The following FAF1 variants were observed in gnomAD, a reference collection of about 807,000 sequenced individuals.
FAF1 encodes Fas associated factor 1.
Under a neutral mutation model 92.5 loss-of-function variants are expected in FAF1, and 25 were observed. That is an observed-to-expected ratio of 0.27 (90% CI 0.20 to 0.38). FAF1 has a LOEUF of 0.38. FAF1 is among the 10% of genes least tolerant of loss of function. The probability of loss-of-function intolerance (pLI) is 1.00; values close to 1 mark genes in which losing one functional copy is unlikely to be tolerated. For missense variants in FAF1, 636 were observed against 793.3 expected (o/e 0.80, Z 2.38); for synonymous variants, 234 against 273.2 (o/e 0.86, Z 1.42).
intron 13 of FAF1, among the ~76,000 whole-genome samples, chr1:50,540,803 GTC>G (rs1557987321): frequency 6.6e-6 from 1 of 152,112 alleles, no homozygotes; most frequent in African/African-American, 2.4e-5. Flanking sequence ...ATTTAATAAA[GTC>G]TGTAAAAATA....
chr1:50,661,351 AT>A lies in FAF1; in HGVS notation c.658-5824del, dbSNP rs975516401. ...TTATTAATTTATCTCAACATTTAAA[AT>A]TTTTTGAAATCTGGCCCACGATTCT... On this transcript the variant is annotated intron_variant, in intron 7 of 18. Transcript: ENST00000396153. Among the ~76,000 whole-genome samples the A allele has an allele frequency of 2.2e-3, 341 of 152,268 alleles. 2 individuals carry two copies. Among genetic ancestry groups the A allele is most frequent in the African/African-American group, 7.6e-3 (316 of 41,552 alleles).
At chr1:50,794,593 T>C (rs1447304504) in intron 3 of FAF1, among the ~76,000 whole-genome samples, 1 of 152,198 alleles carries the variant, frequency 6.6e-6, no homozygotes, top group Non-Finnish European at 1.5e-5. Flanking sequence ...ACAGATCCTT[T>C]AGAATGCACA....
intron 1 of FAF1, among the ~76,000 whole-genome samples, chr1:50,877,598 T>C (rs1193501709): frequency 6.6e-6 from 1 of 152,080 alleles, no homozygotes; most frequent in Non-Finnish European, 1.5e-5. Context: ...ATATGTGATG[T>C]TTATAATAAA....
At chr1:50,451,813 T>C (rs1042886111) in intron 18 of FAF1, 2 of 991,280 alleles carry the variant, frequency 2.0e-6, no homozygotes, top group Non-Finnish European at 2.4e-6. Context: ...TCAGCATTCA[T>C]GGCAAATCTG....
At chr1:50,729,066 T>TTTTG (rs1658807710) in intron 6 of FAF1, among the ~76,000 whole-genome samples, 1 of 139,228 alleles carries the variant, frequency 7.2e-6, no homozygotes, top group Non-Finnish European at 1.5e-5. Context: ...ATATTTTTTT[T>TTTTG]TTTTTTGAGG....
intron 6 of FAF1, among the ~76,000 whole-genome samples, chr1:50,737,169 A>C (rs774178654): frequency 6.6e-6 from 1 of 152,212 alleles, no homozygotes; most frequent in African/African-American, 2.4e-5. Context: ...CCAAATAGAG[A>C]AGTATATTTT....
intron 3 of FAF1, among the ~76,000 whole-genome samples, chr1:50,795,087 G>A (rs1387992078): frequency 6.6e-6 from 1 of 152,150 alleles, no homozygotes; most frequent in East Asian, 1.9e-4. Context: ...ATGTGGCCAT[G>A]TCAACAGAGA....
intron 1 of FAF1, among the ~76,000 whole-genome samples, chr1:50,906,099 C>T (rs1039286324): frequency 8.5e-5 from 13 of 152,178 alleles, no homozygotes; most frequent in African/African-American, 3.1e-4. Context: ...CTACATATGG[C>T]TAGCCAGTTT....
chr1:50,621,391 C>CTTTT lies in FAF1; in HGVS notation c.745-25179_745-25176dup, dbSNP rs36053834. ...AGTTAGCCCCGATCTTTCTTTTTTT[C>CTTTT]TTTTTTTTTTTTTTTTTTTTTTTTT... On this transcript the variant is annotated intron_variant, in intron 8 of 18. Coordinates refer to ENST00000396153, the MANE Select transcript of FAF1 (RefSeq NM_007051.3). Among the ~76,000 whole-genome samples, 195 of 89,234 alleles carry CTTTT rather than the reference C, an allele frequency of 2.2e-3. 11 individuals carry two copies. The highest frequency in any genetic ancestry group is 7.9e-3 in the African/African-American group (168 of 21,396). The allele number at this position is 89,234 out of a possible 152,430, so 58.5% of individuals were successfully genotyped here. A position where few individuals can be genotyped will look rare whatever the true frequency, so the allele number is the denominator to read the frequency against.
chr1:50,665,780 C>T (rs573750792), intron 7 of FAF1, among the ~76,000 whole-genome samples: 25 of 152,272 alleles, frequency 1.6e-4, no homozygotes, highest in Admixed American at 3.3e-4. Flanking sequence ...AAAGTTGTTA[C>T]GTGATCTTTT....
chr1:50,707,074 G>T (rs1197887619), intron 6 of FAF1, among the ~76,000 whole-genome samples: 1 of 151,960 alleles, frequency 6.6e-6, no homozygotes, highest in Non-Finnish European at 1.5e-5. Context: ...GTGGTGGCGG[G>T]CACCTGTAGT....
At chr1:50,749,037 T>C (rs1659741068) in intron 4 of FAF1, among the ~76,000 whole-genome samples, 1 of 152,362 alleles carries the variant, frequency 6.6e-6, no homozygotes, top group South Asian at 2.1e-4. Flanking sequence ...GGTTCAACAC[T>C]ATAGTTGTGG....
At chr1:50,661,126 T>A (rs989227740) in intron 7 of FAF1, among the ~76,000 whole-genome samples, 1 of 152,134 alleles carries the variant, frequency 6.6e-6, no homozygotes, top group Non-Finnish European at 1.5e-5. Flanking sequence ...AATAAGCATT[T>A]TAGTACTTTT....
chr1:50,471,675 T>C (rs1646574175), intron 18 of FAF1, among the ~76,000 whole-genome samples: 1 of 152,186 alleles, frequency 6.6e-6, no homozygotes, highest in African/African-American at 2.4e-5. Context: ...GAACAGGGGC[T>C]GTGTCATTAT....
intron 4 of FAF1, among the ~76,000 whole-genome samples, chr1:50,774,645 G>T (rs1278061267): frequency 6.6e-6 from 1 of 152,028 alleles, no homozygotes; most frequent in African/African-American, 2.4e-5. Context: ...CAAAATTAAA[G>T]CTATGCCTAC....
At chr1:50,680,548 T>A (rs1656375723) in intron 7 of FAF1, among the ~76,000 whole-genome samples, 1 of 151,842 alleles carries the variant, frequency 6.6e-6, no homozygotes, top group South Asian at 2.1e-4. Flanking sequence ...GCGGGTGTGG[T>A]GGTGGGTGTC....
At chr1:50,869,193 C>T (rs1016586292) in intron 1 of FAF1, among the ~76,000 whole-genome samples, 3 of 152,118 alleles carry the variant, frequency 2.0e-5, no homozygotes, top group Admixed American at 1.3e-4. Context: ...TGTCATCTAG[C>T]TTTTCAATAA....
chr1:50,475,524 T>C lies in FAF1; in HGVS notation c.1809A>G (p.Val603=), dbSNP rs1646627841. Reference sequence around the variant, plus strand: ...CATCCCATGGAAATCCTTTGGAAGCTACAAAATCAAAGACAATCTGGAGCT... The same window carrying C: ...CATCCCATGGAAATCCTTTGGAAGCCACAAAATCAAAGACAATCTGGAGCT... ...SNKLQIVFDF[V]ASKGFPWDEY... The change falls in exon 18 of 19, where the codon GTA becomes GTG. Residue 603 remains valine (V), a synonymous_variant. Transcript: ENST00000396153. 3 of 1,613,972 alleles carry C rather than the reference T, an allele frequency of 1.9e-6. No individual in the cohort carries two copies. Among genetic ancestry groups the C allele is most frequent in the African/African-American group, 1.3e-5 (1 of 74,912 alleles).
At chr1:50,525,894 T>G (rs1647769449) in intron 15 of FAF1, among the ~76,000 whole-genome samples, 1 of 152,204 alleles carries the variant, frequency 6.6e-6, no homozygotes, top group African/African-American at 2.4e-5. Flanking sequence ...TTCATCTTAA[T>G]TTGTGTTCCC....
Sources: gnomAD v4.1 joint callset for allele counts (sites outside exome capture counted in the v4.1 genomes callset) on GRCh38, gnomAD v4.1.1 for gene constraint, MANE v1.5 for transcripts, NCBI Gene and HGNC (gene_info 2026-07-23, HGNC 2026-07-21) for gene names.